The following SRGAP3 variants were observed in gnomAD, a reference collection of about 807,000 sequenced individuals.
The protein encoded by SRGAP3 is SLIT-ROBO Rho GTPase-activating protein 3.
Under a neutral mutation model 121.1 loss-of-function variants are expected in SRGAP3, and 39 were observed. The observed-to-expected ratio is 0.32, with a 90% CI of 0.25 to 0.42. The LOEUF (loss-of-function observed/expected upper bound fraction) is 0.42. SRGAP3 is among the 10% of genes least tolerant of loss of function. The pLI is 1.00. For missense variants in SRGAP3, 1,213 were observed against 1,470.6 expected, an observed-to-expected ratio of 0.82 and a Z score of 2.86; for synonymous variants, 601 against 570.0, an observed-to-expected ratio of 1.05 and a Z score of -0.77.
At chr3:9,000,009 A>G (rs1942657472) in intron 18 of SRGAP3, among the ~76,000 whole-genome samples, 1 of 152,222 alleles carries the variant, frequency 6.6e-6, no homozygotes, top group Non-Finnish European at 1.5e-5. Context: ...TACTTGAACC[A>G]AGACTGCTCC....
chr3:9,205,816 A>G (rs1329610283), intron 1 of SRGAP3, among the ~76,000 whole-genome samples: 1 of 152,230 alleles, frequency 6.6e-6, no homozygotes, highest in African/African-American at 2.4e-5. Flanking sequence ...GGAAATTCTG[A>G]CACATTCTAT....
intron 3 of SRGAP3, among the ~76,000 whole-genome samples, chr3:9,287,867 C>T (rs566539222): frequency 2.6e-5 from 4 of 152,202 alleles, no homozygotes; most frequent in African/African-American, 7.2e-5. Flanking sequence ...ACTCTGATTG[C>T]TTTAAGATCT....
chr3:9,255,354 T>C lies in SRGAP3; in HGVS notation n.442+70656A>G, dbSNP rs558316111. 1.9e-4 allele frequency among the ~76,000 whole-genome samples: 29 copies of C among 152,306 alleles called. No homozygotes were observed. In the South Asian group the frequency reaches 5.8e-3, roughly 31 times the overall value. ...TGACTGGAAACACGGGCTCTAACAA[T>C]GCCCACAGGACACTGTGTCTTCCTC... On this transcript the variant is annotated intron_variant and non_coding_transcript_variant, in intron 3 of 3. Coordinates refer to the SRGAP3 transcript ENST00000490889.
chr3:9,228,192 G>C (rs773420107), intron 1 of SRGAP3, among the ~76,000 whole-genome samples: 56 of 152,072 alleles, frequency 3.7e-4, no homozygotes, highest in Non-Finnish European at 5.1e-4. Flanking sequence ...AGAGCTTCTG[G>C]GATAGGGAGG....
At chr3:9,116,618 T>C (rs1163218631) in intron 2 of SRGAP3, among the ~76,000 whole-genome samples, 1 of 150,690 alleles carries the variant, frequency 6.6e-6, no homozygotes, top group South Asian at 2.1e-4. Context: ...TGTGTAGGAG[T>C]TGACCAGGAG....
chr3:9,246,366 G>A (rs1260399543), intron 1 of SRGAP3, among the ~76,000 whole-genome samples: 4 of 152,180 alleles, frequency 2.6e-5, no homozygotes, highest in Admixed American at 1.3e-4. Flanking sequence ...TTCTTCAGAG[G>A]CATGCAACAA....
chr3:9,183,954 G>A (rs940063399), intron 1 of SRGAP3, among the ~76,000 whole-genome samples: 8 of 151,756 alleles, frequency 5.3e-5, no homozygotes, highest in Non-Finnish European at 1.0e-4. Context: ...AGCCCTTCCC[G>A]GTTCTCAGCT....
In SRGAP3 at chr3:9,227,200, T is replaced by A. The variant is rs547936291; in HGVS notation, c.67+21685A>T. On this transcript the variant is annotated intron_variant, in intron 1 of 21. Transcript: ENST00000383836. Reference sequence around the variant, plus strand: ...TTACATGAACTCCCCTGATTTTTTTTAACTCTCTTCATTTTTAAGTGTTGG... The same window carrying A: ...TTACATGAACTCCCCTGATTTTTTTAAACTCTCTTCATTTTTAAGTGTTGG... 4.6e-5 allele frequency among the ~76,000 whole-genome samples: 7 copies of A among 152,360 alleles called. No individual in the cohort carries two copies. In the South Asian group the frequency reaches 1.2e-3, roughly 27 times the overall value.
chr3:9,285,393 G>C (rs963522614), intron 3 of SRGAP3, among the ~76,000 whole-genome samples: 1 of 152,126 alleles, frequency 6.6e-6, no homozygotes, highest in African/African-American at 2.4e-5. Context: ...CTCTGACCCC[G>C]CTTTTCTCTT....
intron 3 of SRGAP3, among the ~76,000 whole-genome samples, chr3:9,279,413 T>C (rs1954638958): frequency 6.6e-6 from 1 of 151,924 alleles, no homozygotes; most frequent in African/African-American, 2.4e-5. Flanking sequence ...TCTAAGTAAG[T>C]CATTATGACC....
At chr3:9,041,666 C>T (rs1945018349) in intron 10 of SRGAP3, among the ~76,000 whole-genome samples, 1 of 152,168 alleles carries the variant, frequency 6.6e-6, no homozygotes, top group Non-Finnish European at 1.5e-5. Flanking sequence ...CAGTACTGTC[C>T]CCAGTCATGG....
intron 1 of SRGAP3, among the ~76,000 whole-genome samples, chr3:9,138,672 T>C (rs952595589): frequency 2.0e-5 from 3 of 152,226 alleles, no homozygotes; most frequent in African/African-American, 7.2e-5. Context: ...ACTCACATGA[T>C]GCCACAAGTG....
intron 9 of SRGAP3, among the ~76,000 whole-genome samples, chr3:9,047,883 A>C (rs1248940997): frequency 6.6e-6 from 1 of 152,236 alleles, no homozygotes; most frequent in African/African-American, 2.4e-5. Context: ...CACGCAGCCG[A>C]AGCTAGGGAG....
At chr3:9,037,561 A>G (rs1475820441) in intron 11 of SRGAP3, 2 of 164,146 alleles carry the variant, frequency 1.2e-5, no homozygotes, top group Non-Finnish European at 2.7e-5. Context: ...TGTGGACGGC[A>G]GGAGAGTCTG....
intron 1 of SRGAP3, among the ~76,000 whole-genome samples, chr3:9,243,131 G>T (rs990426661): frequency 3.3e-5 from 5 of 152,170 alleles, no homozygotes; most frequent in African/African-American, 1.2e-4. Flanking sequence ...AGGATTATAA[G>T]GTTTGGAACA....
At chr3:9,045,846 G>A (rs1945244541) in intron 10 of SRGAP3, among the ~76,000 whole-genome samples, 1 of 152,116 alleles carries the variant, frequency 6.6e-6, no homozygotes, top group African/African-American at 2.4e-5. Flanking sequence ...ACTGGCTCAT[G>A]AGGAATAGCC....
intron 1 of SRGAP3, among the ~76,000 whole-genome samples, chr3:9,205,238 T>C (rs1395268408): frequency 6.6e-6 from 1 of 152,258 alleles, no homozygotes; most frequent in Admixed American, 6.5e-5. Context: ...TGTTAAGATA[T>C]ATTTTCTTTA....
chr3:9,045,741 C>G (rs1210842429), intron 10 of SRGAP3, among the ~76,000 whole-genome samples: 1 of 152,158 alleles, frequency 6.6e-6, no homozygotes, highest in Non-Finnish European at 1.5e-5. Flanking sequence ...GGCCCAGGAT[C>G]GTATTTTTTA....
intron 1 of SRGAP3, among the ~76,000 whole-genome samples, chr3:9,169,331 T>C (rs770972737): frequency 5.3e-5 from 8 of 152,172 alleles, no homozygotes; most frequent in Non-Finnish European, 1.2e-4. Context: ...GAGAGGCAGA[T>C]TGTAAAAACA....
Sources: allele counts gnomAD v4.1 joint callset (sites outside exome capture counted in the v4.1 genomes callset), GRCh38; gene constraint gnomAD v4.1.1; transcripts MANE v1.5; gene names NCBI Gene and HGNC (gene_info 2026-07-23, HGNC 2026-07-21).